The following CPSF3 variants were observed in gnomAD, a reference collection of about 807,000 sequenced individuals.
The protein encoded by CPSF3 is cleavage and polyadenylation specificity factor subunit 3.
In CPSF3, 57 loss-of-function variants were observed where a neutral mutation model predicts 84.1. The ratio of observed to expected loss-of-function variants is 0.68; its 90% CI spans 0.55 to 0.85. The LOEUF (loss-of-function observed/expected upper bound fraction) is 0.85. CPSF3 is among the 40% of genes least tolerant of loss of function. CPSF3 has a pLI of 0.00. For missense variants in CPSF3, 522 were observed against 838.8 expected (o/e 0.62, Z 4.66); for synonymous variants, 275 against 278.1 (o/e 0.99, Z 0.11).
At chr2:9,461,136 A>C (rs770321269) in intron 15 of CPSF3, among the ~76,000 whole-genome samples, 9 of 152,250 alleles carry the variant, frequency 5.9e-5, no homozygotes, top group Non-Finnish European at 1.0e-4. Flanking sequence ...TGCTTTCAGT[A>C]ATTGTAAAAA....
rs111999635 is a variant in CPSF3 at position 9,459,069 on chromosome 2, G to A, written c.1699-462G>A. ...AGAGGTTGCAGTGAGCCAAGATCAC[G>A]CCATTGCACTCCAGCCTGGGCAATG... On this transcript the variant is annotated intron_variant, in intron 14 of 17. Coordinates refer to ENST00000238112, the MANE Select transcript of CPSF3 (RefSeq NM_016207.4). 2.1e-3 allele frequency among the ~76,000 whole-genome samples: 316 copies of A among 151,216 alleles called. 2 individuals are homozygous for A. The highest frequency in any genetic ancestry group is 7.1e-3 in the African/African-American group (291 of 41,170).
At chr2:9,442,855 A>G (rs553734593) in intron 9 of CPSF3, among the ~76,000 whole-genome samples, 151 of 151,286 alleles carry the variant, frequency 1.0e-3, no homozygotes, top group African/African-American at 3.5e-3. Flanking sequence ...TCCATCTCCA[A>G]AAAAAAAAGA....
At chr2:9,446,580 C>CAAA (rs71389245) in intron 10 of CPSF3, among the ~76,000 whole-genome samples, 2 of 89,092 alleles carry the variant, frequency 2.2e-5, no homozygotes, top group Non-Finnish European at 2.1e-5. Context: ...GACTCGGTCT[C>CAAA]AAAAAAAAAA....
chr2:9,473,061 T>G lies in CPSF3; in HGVS notation c.*44T>G. The G allele has an allele frequency of 1.5e-6, 2 of 1,359,360 alleles. No homozygotes were observed. The highest frequency in any genetic ancestry group is 2.1e-6 in the Non-Finnish European group (2 of 960,074). 84.2% of individuals were successfully genotyped at this position (1,359,360 alleles called of 1,614,324 possible). A position where few individuals can be genotyped will look rare whatever the true frequency, so the allele number is the denominator to read the frequency against. ...ACTTTGAAAAAATACTTGACTCTAC[T>G]TTTGTTACCTAAAATAAAATGCATT... is the stretch of plus-strand genomic sequence containing the variant. On this transcript the variant is annotated 3_prime_UTR_variant, in exon 18 of 18. Transcript: ENST00000238112.
chr2:9,471,327 T>C lies in CPSF3; in HGVS notation c.1857-16T>C, dbSNP rs1682154658. On this transcript the variant is annotated splice_polypyrimidine_tract_variant and intron_variant, in intron 16 of 17. Coordinates refer to ENST00000238112, the MANE Select transcript of CPSF3 (RefSeq NM_016207.4). ...CCGGGCATTTTCACTAATCCTGCAT[T>C]TCTGCTTATTTTCAGGGACATATTT... is the stretch of plus-strand genomic sequence containing the variant. 1.3e-6 allele frequency: 2 copies of C among 1,510,050 alleles called. No homozygotes were observed. Among genetic ancestry groups the C allele is most frequent in the Admixed American group, 1.7e-5 (1 of 59,768 alleles). The allele number at this position is 1,510,050 out of a possible 1,614,324, so 93.5% of individuals were successfully genotyped here.
chr2:9,451,580 A>G (rs1681329316), intron 11 of CPSF3, among the ~76,000 whole-genome samples: 1 of 152,184 alleles, frequency 6.6e-6, no homozygotes, highest in Non-Finnish European at 1.5e-5. Flanking sequence ...CATGGGCAAC[A>G]TAGTGAAACT....
chr2:9,426,222 G>A (rs1680386687), intron 1 of CPSF3, among the ~76,000 whole-genome samples: 2 of 152,192 alleles, frequency 1.3e-5, no homozygotes, highest in African/African-American at 4.8e-5. Context: ...ACTTCATGTA[G>A]TTGTATTAAG....
At position 9,459,620 on chromosome 2, in the gene CPSF3, T is replaced by TAAG; in HGVS notation, c.1786+4_1786+6dup. On this transcript the variant is annotated splice_region_variant and intron_variant, in intron 15 of 17. Coordinates refer to ENST00000238112, the MANE Select transcript of CPSF3 (RefSeq NM_016207.4). ...AGTCAAATCCCAAAATAAGAAAAGG[T>TAAG]AAGAGTTCATTTTTATCCTTTTTTT... 1 of 1,164,062 alleles carries TAAG rather than the reference T, an allele frequency of 8.6e-7. No individual in the cohort carries two copies. Among genetic ancestry groups the TAAG allele is most frequent in the Admixed American group, 2.2e-5 (1 of 44,856 alleles). The allele number at this position is 1,164,062 out of a possible 1,614,324, so 72.1% of individuals were successfully genotyped here. A position where few individuals can be genotyped will look rare whatever the true frequency, so the allele number is the denominator to read the frequency against.
chr2:9,466,234 G>T (rs1300713583), intron 15 of CPSF3, among the ~76,000 whole-genome samples: 1 of 132,702 alleles, frequency 7.5e-6, no homozygotes. Flanking sequence ...ACACACACAC[G>T]TGCGCGCACG....
chr2:9,426,257 G>T (rs1292473133), intron 1 of CPSF3, among the ~76,000 whole-genome samples: 3 of 152,188 alleles, frequency 2.0e-5, no homozygotes, highest in Non-Finnish European at 2.9e-5. Context: ...GTTGTGGCTT[G>T]CTGTGAAGGG....
rs943346113 is a variant in CPSF3 at position 9,432,655 on chromosome 2, C to T, written c.486C>T (p.Ala162=). ...ACCATGCAGGTCACGTCCTAGGAGC[C>T]GCCATGTTCATGATTGAGATCGCAG... The part of the protein sequence containing the change: ...WCYHAGHVLG[A]AMFMIEIAGV... Residue 162 remains alanine (A), a synonymous_variant, in exon 5 of 18, where the codon GCC becomes GCT. Transcript: ENST00000238112. 25 of 1,555,730 alleles carry T rather than the reference C, an allele frequency of 1.6e-5. No individual in the cohort carries two copies. Among genetic ancestry groups the T allele is most frequent in the Admixed American group, 1.2e-4 (7 of 59,268 alleles).
At chr2:9,431,005 C>A in intron 4 of CPSF3, 125 bp downstream of exon 4, 1 of 692,792 alleles carries the variant, frequency 1.4e-6, no homozygotes, top group Non-Finnish European at 2.4e-6. Context: ...TCAGTAATTT[C>A]ATCATTCATT....
intron 5 of CPSF3, among the ~76,000 whole-genome samples, chr2:9,433,584 AAG>A (rs1199784562): frequency 6.6e-6 from 1 of 151,988 alleles, no homozygotes; most frequent in Non-Finnish European, 1.5e-5. Flanking sequence ...CTTTTTCTCT[AAG>A]AAGTTCAGAG....
chr2:9,459,033 A>G (rs1681630550), intron 14 of CPSF3, among the ~76,000 whole-genome samples: 1 of 151,620 alleles, frequency 6.6e-6, no homozygotes, highest in Admixed American at 6.6e-5. Flanking sequence ...AATTACTTGA[A>G]CCTGGGAGGC....
intron 12 of CPSF3, 136 bp downstream of exon 12, chr2:9,453,157 T>C: frequency 1.8e-6 from 1 of 569,640 alleles, no homozygotes; most frequent in East Asian, 3.0e-5. Context: ...AGTTAGCTAA[T>C]TAGCTTTGTG....
chr2:9,434,894 C>T (rs1263719060), intron 6 of CPSF3, among the ~76,000 whole-genome samples: 1 of 152,168 alleles, frequency 6.6e-6, no homozygotes, highest in East Asian at 1.9e-4. Context: ...CACCACCTAC[C>T]ATGTTCCCCA....
intron 11 of CPSF3, among the ~76,000 whole-genome samples, chr2:9,450,245 A>ATGGC (rs1399583041): frequency 6.7e-6 from 1 of 148,444 alleles, no homozygotes; most frequent in Non-Finnish European, 1.5e-5. Context: ...TCCGCCTCCC[A>ATGGC]GGTTCATGGA....
chr2:9,429,514 T>C (rs891656201), intron 2 of CPSF3, among the ~76,000 whole-genome samples: 4 of 152,222 alleles, frequency 2.6e-5, no homozygotes, highest in Non-Finnish European at 4.4e-5. Context: ...TGCCTTAAAA[T>C]ATTTAAATTA....
intron 16 of CPSF3, among the ~76,000 whole-genome samples, chr2:9,470,411 TAG>T (rs1239973048): frequency 6.6e-6 from 1 of 152,196 alleles, no homozygotes; most frequent in Non-Finnish European, 1.5e-5. Flanking sequence ...ATGGGTTGTT[TAG>T]AGTCACTGCC....
Sources: allele counts gnomAD v4.1 joint callset (sites outside exome capture counted in the v4.1 genomes callset), GRCh38; gene constraint gnomAD v4.1.1; transcripts MANE v1.5; gene names NCBI Gene and HGNC (gene_info 2026-07-23, HGNC 2026-07-21).